LGALS13: variants seen among roughly 807,000 people sequenced by gnomAD.
LGALS13 encodes the protein galectin 13, also known as galactoside-binding soluble lectin 13.
Under a neutral mutation model 13.2 loss-of-function variants are expected in LGALS13, and 11 were observed. The ratio of observed to expected loss-of-function variants is 0.83; its 90% CI spans 0.52 to 1.38. The LOEUF (loss-of-function observed/expected upper bound fraction) is 1.38. Among genes scored for constraint, LGALS13 ranks in the 40% most tolerant of loss-of-function variants. The pLI, the probability that LGALS13 is intolerant of heterozygous loss-of-function variation, is 0.00. For synonymous variants in LGALS13, 71 were observed against 63.7 expected, an observed-to-expected ratio of 1.11 and a Z score of -0.54; for missense variants, 183 against 174.3, an observed-to-expected ratio of 1.05 and a Z score of -0.28.
chr19:39,605,061 A>G (rs1972662115), intron 2 of LGALS13, 117 bp from the exon 3 acceptor site: 1 of 858,644 alleles, frequency 1.2e-6, no homozygotes, highest in South Asian at 1.4e-5. Flanking sequence ...CCTGGCCATC[A>G]GTATTATCTG....
Position 39,604,698 on chromosome 19 carries a change from AT to A in LGALS13, c.92+21del. ...TTTTATGTGAGTACTCCATGGTCCAATGGAGGGGTTGGAGAAGAAGGGAGAA... is the reference window on the plus strand; with the variant it reads ...TTTTATGTGAGTACTCCATGGTCCAAGGAGGGGTTGGAGAAGAAGGGAGAA... On this transcript the variant is annotated intron_variant, in intron 2 of 3. Coordinates refer to ENST00000221797, the MANE Select transcript of LGALS13 (RefSeq NM_013268.3). 1 of 1,613,376 alleles carries A rather than the reference AT, an allele frequency of 6.2e-7. No individual in the cohort carries two copies. Among genetic ancestry groups the A allele is most frequent in the Non-Finnish European group, 8.5e-7 (1 of 1,179,298 alleles).
rs151177625 is a variant in LGALS13 at position 39,605,474 on chromosome 19, C to T, written c.303+86C>T. ...TCTCATTGATCTGGCCTCAGTAGTC[C>T]GTCAGGGTCCATCTCCCATAACTAC... On this transcript the variant is annotated intron_variant, in intron 3 of 3. Transcript: ENST00000221797. 2.9e-3 allele frequency: 3,245 copies of T among 1,111,914 alleles called. 26 individuals carry two copies. The highest frequency in any genetic ancestry group is 0.024 in the African/African-American group (1,560 of 64,872). The allele number at this position is 1,111,914 out of a possible 1,614,324, so 68.9% of individuals were successfully genotyped here.
intron 3 of LGALS13, among the ~76,000 whole-genome samples, chr19:39,605,895 G>A (rs1025885249): frequency 2.0e-5 from 3 of 152,106 alleles, no homozygotes; most frequent in Non-Finnish European, 4.4e-5. Context: ...CATCCAGGTT[G>A]GAGTGCAGTG....
intron 3 of LGALS13, 113 bp from the exon 4 acceptor site, chr19:39,607,110 G>A (rs1473286568): frequency 3.8e-5 from 30 of 797,918 alleles, no homozygotes; most frequent in Non-Finnish European, 6.8e-5. Flanking sequence ...ACGTTAACTT[G>A]TATAACTAGG....
rs1453894161 is a variant in LGALS13 at position 39,607,218 on chromosome 19, TG to T, written c.304-4del. On this transcript the variant is annotated splice_polypyrimidine_tract_variant and splice_region_variant and intron_variant, in intron 3 of 3. Coordinates refer to ENST00000221797, the MANE Select transcript of LGALS13 (RefSeq NM_013268.3). ...TTTCTTTCTGATGCATTTTTCCTCT[TG>T]TAGATAAAGGTCAATGGCATACGCA... 1.9e-6 allele frequency: 3 copies of T among 1,610,394 alleles called. No individual in the cohort carries two copies. Among genetic ancestry groups the T allele is most frequent in the Non-Finnish European group, 2.5e-6 (3 of 1,176,696 alleles).
rs1344839843 is a variant in LGALS13, at chr19:39,607,158, T to G, written c.304-65T>G. ...GAATGTTATTTGTACCAGGACAGAG[T>G]GGAGAGGAGGCCGAAAACTTGTTTG... On this transcript the variant is annotated intron_variant, in intron 3 of 3. Transcript: ENST00000221797. 3.1e-5 allele frequency: 32 copies of G among 1,044,344 alleles called. No homozygotes were observed. The East Asian group carries it at 7.1e-4, about 23-fold the overall frequency. The allele number at this position is 1,044,344 out of a possible 1,614,324, so 64.7% of individuals were successfully genotyped here.
intron 3 of LGALS13, among the ~76,000 whole-genome samples, chr19:39,605,967 C>T (rs1041651642): frequency 6.6e-6 from 1 of 152,208 alleles, no homozygotes; most frequent in Non-Finnish European, 1.5e-5. Context: ...TCGCCTCAGC[C>T]TCCCAAGTAG....
rs745482613 is a variant in LGALS13 at position 39,607,353 on chromosome 19, ACTC to A, written c.*18_*20del. 1 of 1,516,630 alleles carries A rather than the reference ACTC, an allele frequency of 6.6e-7. No homozygotes were observed. Among genetic ancestry groups the A allele is most frequent in the East Asian group, 2.3e-5 (1 of 44,436 alleles). 93.9% of individuals were successfully genotyped at this position (1,516,630 alleles called of 1,614,324 possible). ...GTCTGCAATTGAGGGAGATGATCAC[ACTC>A]CTCATTGTTGAGGAATCCCTCTTTC... On this transcript the variant is annotated 3_prime_UTR_variant, in exon 4 of 4. Transcript: ENST00000221797.
intron 1 of LGALS13, among the ~76,000 whole-genome samples, chr19:39,604,206 C>T (rs1470520546): frequency 3.3e-5 from 5 of 152,168 alleles, no homozygotes; most frequent in Non-Finnish European, 7.4e-5. Context: ...TGTTAGGTCA[C>T]CCTAAGAGGC....
chr19:39,607,370 A>AGTGTG lies in LGALS13; in HGVS notation c.*31_*32insGTGTG. The AGTGTG allele has an allele frequency of 4.9e-6, 7 of 1,416,380 alleles. No homozygotes were observed. The highest frequency in any genetic ancestry group is 1.4e-5 in the African/African-American group (1 of 71,172). 87.7% of individuals were successfully genotyped at this position (1,416,380 alleles called of 1,614,324 possible). ...ATGATCACACTCCTCATTGTTGAGG[A>AGTGTG]ATCCCTCTTTCTACCTGACCATGGG... is the stretch of plus-strand genomic sequence containing the variant. On this transcript the variant is annotated 3_prime_UTR_variant, in exon 4 of 4. Transcript: ENST00000221797.
At chr19:39,604,876 G>A (rs754044010) in intron 2 of LGALS13, among the ~76,000 whole-genome samples, 198 bp downstream of exon 2, 2 of 152,232 alleles carry the variant, frequency 1.3e-5, no homozygotes, top group Non-Finnish European at 1.5e-5. Context: ...GGGCCTACAG[G>A]AGGAGAACAC....
chr19:39,606,502 A>T (rs1048158489), intron 3 of LGALS13, among the ~76,000 whole-genome samples: 2 of 152,240 alleles, frequency 1.3e-5, no homozygotes, highest in Admixed American at 1.3e-4. Context: ...ATTACAAAAA[A>T]ATGGAAAAAC....
chr19:39,607,340 G>C lies in LGALS13; in HGVS notation c.*1G>C. ...GACCTCAGTGTGTGTCTGCAATTGAGGGAGATGATCACACTCCTCATTGTT... is the reference window on the plus strand; with the variant it reads ...GACCTCAGTGTGTGTCTGCAATTGACGGAGATGATCACACTCCTCATTGTT... On this transcript the variant is annotated 3_prime_UTR_variant, in exon 4 of 4. Coordinates refer to ENST00000221797, the MANE Select transcript of LGALS13 (RefSeq NM_013268.3). 1.3e-6 allele frequency: 2 copies of C among 1,581,842 alleles called. No individual in the cohort carries two copies. The highest frequency in any genetic ancestry group is 2.2e-5 in the South Asian group (2 of 90,408).
Position 39,607,219 on chromosome 19 carries a change from G to A in LGALS13, c.304-4G>A. 2 of 1,610,754 alleles carry A rather than the reference G, an allele frequency of 1.2e-6. No individual in the cohort carries two copies. On this transcript the variant is annotated splice_region_variant and splice_polypyrimidine_tract_variant and intron_variant, in intron 3 of 3. Transcript: ENST00000221797. ...TTCTTTCTGATGCATTTTTCCTCTTGTAGATAAAGGTCAATGGCATACGCA... is the reference window on the plus strand; with the variant it reads ...TTCTTTCTGATGCATTTTTCCTCTTATAGATAAAGGTCAATGGCATACGCA...
chr19:39,605,535 C>A, intron 3 of LGALS13, 147 bp downstream of exon 3: 8 of 720,430 alleles, frequency 1.1e-5, no homozygotes. Flanking sequence ...GCACCCCCTG[C>A]TTGCACTGCC....
At chr19:39,604,569 T>C in intron 1 of LGALS13, 33 bp from the exon 2 acceptor site, 2 of 1,612,242 alleles carry the variant, frequency 1.2e-6, no homozygotes, top group Middle Eastern at 1.7e-4. Context: ...CACCTGACCC[T>C]GCACCTCTCA....
intron 3 of LGALS13, 135 bp from the exon 4 acceptor site, chr19:39,607,088 A>AT: frequency 1.4e-6 from 1 of 738,290 alleles, no homozygotes; most frequent in Non-Finnish European, 2.5e-6. Context: ...TGTAAACATA[A>AT]GTGTATCTAA....
Position 39,604,689 on chromosome 19 carries a change from C to T in LGALS13, c.92+11C>T, listed in dbSNP as rs778478421. Reference sequence around the variant, plus strand: ...AATCCACTCTTTTATGTGAGTACTCCATGGTCCAATGGAGGGGTTGGAGAA... The same window carrying T: ...AATCCACTCTTTTATGTGAGTACTCTATGGTCCAATGGAGGGGTTGGAGAA... On this transcript the variant is annotated intron_variant, in intron 2 of 3. Coordinates refer to ENST00000221797, the MANE Select transcript of LGALS13 (RefSeq NM_013268.3). 2.0e-5 allele frequency: 32 copies of T among 1,613,768 alleles called. No homozygotes were observed. Among genetic ancestry groups the T allele is most frequent in the Middle Eastern group, 1.6e-4 (1 of 6,084 alleles).
Position 39,605,221 on chromosome 19 carries a change from G to A in LGALS13, c.136G>A (p.Glu46Lys), listed in dbSNP as rs149096926. The A allele has an allele frequency of 1.3e-3, 2,072 of 1,614,234 alleles. 3 individuals carry two copies. Among genetic ancestry groups the A allele is most frequent in the Non-Finnish European group, 1.6e-3 (1,901 of 1,180,040 alleles). The change falls in exon 3 of 4, where the codon GAG becomes AAG. Residue 46 changes from glutamate to lysine, a missense_variant. Coordinates refer to ENST00000221797, the MANE Select transcript of LGALS13 (RefSeq NM_013268.3). ...LQVDFYTDMD[E>K]DSDIAFRFRV... is the part of the protein sequence containing the mutation. Reference sequence around the variant, plus strand: ...GGTGGATTTCTACACTGACATGGATGAGGATTCAGATATTGCCTTCCGTTT... The same window carrying A: ...GGTGGATTTCTACACTGACATGGATAAGGATTCAGATATTGCCTTCCGTTT...
Sources: gnomAD v4.1 joint callset for allele counts (sites outside exome capture counted in the v4.1 genomes callset) on GRCh38, gnomAD v4.1.1 for gene constraint, MANE v1.5 for transcripts, NCBI Gene and HGNC (gene_info 2026-07-23, HGNC 2026-07-21) for gene names.